BIRC6: variants seen among roughly 807,000 people sequenced by gnomAD.
BIRC6 encodes the protein dual E2 ubiquitin-conjugating enzyme/E3 ubiquitin-protein ligase BIRC6.
BIRC6 carries 98 observed loss-of-function variants against 503.3 expected under a neutral mutation model. That is an observed-to-expected ratio of 0.19 (90% CI 0.17 to 0.23). The LOEUF (loss-of-function observed/expected upper bound fraction) is 0.23, where lower values mean the gene tolerates loss of function less well. Among genes scored for constraint, BIRC6 ranks in the 10% least tolerant of loss-of-function variants. The pLI, the probability that BIRC6 is intolerant of heterozygous loss-of-function variation, is 1.00. For missense variants in BIRC6, 5,360 were observed against 5,806.0 expected (o/e 0.92, Z 2.50); for synonymous variants, 2,240 against 2,078.7 (o/e 1.08, Z -2.11).
At chr2:32,580,249 C>T (rs72787504) in intron 66 of BIRC6, among the ~76,000 whole-genome samples, 10,529 of 152,162 alleles carry the variant, frequency 0.069, 488 homozygotes, top group Middle Eastern at 0.1. Context: ...TGAGCCACTG[C>T]GCTGGGCCAA....
chr2:32,509,772 A>G lies in BIRC6; in HGVS notation c.10015A>G (p.Thr3339Ala), dbSNP rs1280291053. Reference protein sequence around the residue: ...GWLRLLHHCLTHISDLEGMMA... With the variant: ...GWLRLLHHCLAHISDLEGMMA... ...GTTACGGTTATTACATCATTGCCTT[A>G]CTCACATAAGTGATCTAGAAGGAAT... The change falls in exon 52 of 74, where the codon ACT becomes GCT. Residue 3339 changes from threonine (T) to alanine (A), a missense_variant. Physicochemically the swap from Thr to Ala is moderately conservative, Grantham distance 58 (BLOSUM62 0). Transcript: ENST00000421745. The G allele has an allele frequency of 1.9e-6, 3 of 1,613,832 alleles. No individual in the cohort carries two copies. The African/African-American group carries it at 4.0e-5, about 22-fold the overall frequency.
intron 22 of BIRC6, among the ~76,000 whole-genome samples, chr2:32,453,576 A>C (rs2046936855): frequency 6.6e-6 from 1 of 152,152 alleles, no homozygotes; most frequent in Non-Finnish European, 1.5e-5. Context: ...TGTTTCTGTT[A>C]ATGTGAGGAG....
At chr2:32,480,408 T>C (rs1265506770) in intron 37 of BIRC6, among the ~76,000 whole-genome samples, 2 of 152,092 alleles carry the variant, frequency 1.3e-5, no homozygotes, top group African/African-American at 4.8e-5. Context: ...TTGGAGAGTT[T>C]TATTAATCTT....
At chr2:32,504,912 A>G in intron 49 of BIRC6, 93 bp from the exon 50 acceptor site, 1 of 1,156,018 alleles carries the variant, frequency 8.7e-7, no homozygotes, top group Non-Finnish European at 1.2e-6. Context: ...TTTTCAATTA[A>G]TTTTTCTAGT....
chr2:32,605,169 C>CA (rs1467511787), intron 71 of BIRC6, among the ~76,000 whole-genome samples: 1 of 152,196 alleles, frequency 6.6e-6, no homozygotes, highest in Non-Finnish European at 1.5e-5. Context: ...AGGCGTTAGC[C>CA]AACGTGCCCA....
chr2:32,531,202 G>A (rs576444624), intron 60 of BIRC6, among the ~76,000 whole-genome samples, 153 bp from the exon 61 acceptor site: 7 of 152,262 alleles, frequency 4.6e-5, no homozygotes, highest in East Asian at 3.9e-4. Flanking sequence ...TCATTGTACC[G>A]TCTAGCCATA....
intron 20 of BIRC6, among the ~76,000 whole-genome samples, 173 bp from the exon 21 acceptor site, chr2:32,445,348 C>T (rs1574256514): frequency 6.6e-6 from 1 of 152,324 alleles, no homozygotes; most frequent in Non-Finnish European, 1.5e-5. Context: ...TAAGTGTCCT[C>T]TTTGATCCCT....
At position 32,508,277 on chromosome 2, in the gene BIRC6, T is replaced by A; in HGVS notation, c.9980+18T>A. On this transcript the variant is annotated intron_variant, in intron 51 of 73. Coordinates refer to ENST00000421745, the MANE Select transcript of BIRC6 (RefSeq NM_016252.4). Reference sequence around the variant, plus strand: ...AAAACAAGGTATGTTTTGTTTGTCCTTTTTTTTTTTTTTTTTTTTTTTTTT... The same window carrying A: ...AAAACAAGGTATGTTTTGTTTGTCCATTTTTTTTTTTTTTTTTTTTTTTTT... The A allele has an allele frequency of 1.0e-5, 2 of 190,684 alleles. No homozygotes were observed. The highest frequency in any genetic ancestry group is 1.3e-5 in the Non-Finnish European group (2 of 150,670). 11.8% of individuals were successfully genotyped at this position (190,684 alleles called of 1,614,324 possible). A position where few individuals can be genotyped will look rare whatever the true frequency, so the allele number is the denominator to read the frequency against.
intron 5 of BIRC6, among the ~76,000 whole-genome samples, chr2:32,392,500 C>G (rs1237233493): frequency 6.6e-6 from 1 of 152,164 alleles, no homozygotes; most frequent in Non-Finnish European, 1.5e-5. Flanking sequence ...AGGTGATCTG[C>G]CTGCCTCGGC....
chr2:32,544,862 A>T (rs142250371), intron 62 of BIRC6, among the ~76,000 whole-genome samples: 13 of 151,944 alleles, frequency 8.6e-5, no homozygotes, highest in African/African-American at 3.1e-4. Context: ...ATTTCTAATT[A>T]CTTGATCTGA....
chr2:32,416,329 T>C (rs999275038), intron 10 of BIRC6, among the ~76,000 whole-genome samples, 166 bp downstream of exon 10: 1 of 152,276 alleles, frequency 6.6e-6, no homozygotes, highest in South Asian at 2.1e-4. Flanking sequence ...AAAACTTTTT[T>C]CTACTGCCCT....
At chr2:32,358,071 G>A (rs1160396952) in intron 1 of BIRC6, among the ~76,000 whole-genome samples, 1 of 142,750 alleles carries the variant, frequency 7.0e-6, no homozygotes, top group African/African-American at 2.6e-5. Context: ...TGGTGGGGGT[G>A]GGGAGGGAAG....
rs193298321 is a variant in BIRC6, at chr2:32,470,142, T to C, written c.6348-26T>C. ...AACAATCGAATTGATTCTTATTCTT[T>C]TCTTTTTTGTTTGTTTTGTTTTTAG... On this transcript the variant is annotated intron_variant, in intron 30 of 73. Transcript: ENST00000421745. 1,691 of 1,455,302 alleles carry C rather than the reference T, an allele frequency of 1.2e-3. 1 individual carries two copies. Among genetic ancestry groups the C allele is most frequent in the Admixed American group, 1.6e-3 (55 of 35,098 alleles). The allele number at this position is 1,455,302 out of a possible 1,614,324, so 90.1% of individuals were successfully genotyped here.
At chr2:32,519,074 T>C (rs2055363565) in intron 57 of BIRC6, 128 bp downstream of exon 57, 1 of 902,338 alleles carries the variant, frequency 1.1e-6, no homozygotes, top group African/African-American at 1.7e-5. Flanking sequence ...GTTCAAGACA[T>C]CTTTATAGTT....
intron 1 of BIRC6, among the ~76,000 whole-genome samples, chr2:32,369,765 A>G (rs2035510250): frequency 1.3e-5 from 2 of 150,934 alleles, no homozygotes; most frequent in Admixed American, 1.3e-4. Flanking sequence ...CTCTTGCCCA[A>G]CATCAGTTGG....
Position 32,593,926 on chromosome 2 carries a change from A to T in BIRC6, c.13367A>T (p.Glu4456Val), listed in dbSNP as rs897122902. The T allele has an allele frequency of 6.2e-7, 1 of 1,609,314 alleles. No individual in the cohort carries two copies. Among genetic ancestry groups the T allele is most frequent in the Non-Finnish European group, 8.5e-7 (1 of 1,178,628 alleles). Residue 4456 changes from glutamate to valine, a missense_variant, in exon 67 of 74, where the codon GAA (glutamate) becomes GTA (valine). Coordinates refer to ENST00000421745, the MANE Select transcript of BIRC6 (RefSeq NM_016252.4). ...TTAAAAAAATTCAGATCTAAAAGGG[A>T]AAATGTTAAAACAGGAGTAAAACCA... is the stretch of plus-strand genomic sequence containing the variant. ...TYTNRLRSKR[E>V]NVKTGVKPDA... is the part of the protein sequence containing the mutation.
rs920149025 is a variant in BIRC6, at chr2:32,430,875, A to G, written c.3033A>G (p.Leu1011=). 1 of 1,464,532 alleles carries G rather than the reference A, an allele frequency of 6.8e-7. No individual in the cohort carries two copies. Among genetic ancestry groups the G allele is most frequent in the Non-Finnish European group, 9.1e-7 (1 of 1,095,048 alleles). The allele number at this position is 1,464,532 out of a possible 1,614,324, so 90.7% of individuals were successfully genotyped here. A position where few individuals can be genotyped will look rare whatever the true frequency, so the allele number is the denominator to read the frequency against. ...PSSPGISGVD[L]LVDQPFTLEI... is the part of the protein sequence containing the mutation. ...CTCACTAATGTTAAGGAGTTGATTTATTGGTGGACCAGCCATTCACCCTTG... is the reference window on the plus strand; with the variant it reads ...CTCACTAATGTTAAGGAGTTGATTTGTTGGTGGACCAGCCATTCACCCTTG... The change falls in exon 12 of 74, where the codon TTA becomes TTG. Residue 1011 remains leucine, a synonymous_variant. Coordinates refer to ENST00000421745, the MANE Select transcript of BIRC6 (RefSeq NM_016252.4).
At chr2:32,369,943 AAAATATATAT>A (rs1290059465) in intron 1 of BIRC6, among the ~76,000 whole-genome samples, 135 of 32,238 alleles carry the variant, frequency 4.2e-3, no homozygotes, top group African/African-American at 0.015. Flanking sequence ...AAAAAAAAAA[AAAATATATAT>A]ATATATATAT....
chr2:32,441,301 A>T (rs2045406991), intron 16 of BIRC6, 28 bp from the exon 17 acceptor site: 1 of 1,384,268 alleles, frequency 7.2e-7, no homozygotes. Flanking sequence ...TTTATTTTTT[A>T]AAATTCATTA....
Sources: allele counts gnomAD v4.1 joint callset (sites outside exome capture counted in the v4.1 genomes callset), GRCh38; gene constraint gnomAD v4.1.1; transcripts MANE v1.5; gene names NCBI Gene and HGNC (gene_info 2026-07-23, HGNC 2026-07-21).